The following MED27 variants were observed in gnomAD, a reference collection of about 807,000 sequenced individuals.
MED27 encodes mediator complex subunit 27.
MED27 carries 30 observed loss-of-function variants against 38.2 expected under a neutral mutation model. The ratio of observed to expected loss-of-function variants is 0.79; its 90% CI spans 0.59 to 1.07. MED27 has a LOEUF of 1.07. Ranked by LOEUF, MED27 falls within the 50% of genes least tolerant of loss-of-function variation. The pLI is 0.00. For missense variants in MED27, 289 were observed against 397.5 expected (o/e 0.73, Z 2.32); for synonymous variants, 122 against 153.5 (o/e 0.79, Z 1.52).
intron 3 of MED27, among the ~76,000 whole-genome samples, chr9:132,006,874 T>C (rs1229217848): frequency 6.6e-6 from 1 of 152,082 alleles, no homozygotes; most frequent in African/African-American, 2.4e-5. Context: ...TTCCCACTGG[T>C]TTTACATCAA....
At chr9:131,955,831 T>C (rs1831085108) in intron 3 of MED27, among the ~76,000 whole-genome samples, 1 of 152,192 alleles carries the variant, frequency 6.6e-6, no homozygotes, top group African/African-American at 2.4e-5. Context: ...ATCAATCATA[T>C]GGAAATTCAG....
chr9:132,008,056 C>T (rs550214010), intron 3 of MED27, among the ~76,000 whole-genome samples: 1 of 152,346 alleles, frequency 6.6e-6, no homozygotes, highest in East Asian at 1.9e-4. Flanking sequence ...TGAACACAGT[C>T]ACCTCTGCTG....
At chr9:131,949,328 A>G (rs181786305) in intron 3 of MED27, among the ~76,000 whole-genome samples, 1 of 152,262 alleles carries the variant, frequency 6.6e-6, no homozygotes, top group Non-Finnish European at 1.5e-5. Flanking sequence ...AGAGTGACAG[A>G]GCAGGCACTG....
intron 2 of MED27, among the ~76,000 whole-genome samples, chr9:132,058,286 G>T (rs1328230915): frequency 6.6e-6 from 1 of 152,116 alleles, no homozygotes; most frequent in Non-Finnish European, 1.5e-5. Flanking sequence ...GGTACAATTT[G>T]GCTGTGTCCC....
At chr9:132,057,978 TAAAC>T (rs1243555114) in intron 2 of MED27, among the ~76,000 whole-genome samples, 1 of 151,918 alleles carries the variant, frequency 6.6e-6, no homozygotes, top group Non-Finnish European at 1.5e-5. Context: ...TTCTAAAAAA[TAAAC>T]AAAATAATAA....
chr9:131,907,081 G>C (rs540967189), intron 4 of MED27, among the ~76,000 whole-genome samples: 1 of 152,134 alleles, frequency 6.6e-6, no homozygotes, highest in Non-Finnish European at 1.5e-5. Context: ...TGCCATCTTG[G>C]TTTTGGTGGG....
At chr9:131,961,626 T>A (rs916165020) in intron 3 of MED27, among the ~76,000 whole-genome samples, 1 of 152,198 alleles carries the variant, frequency 6.6e-6, no homozygotes, top group African/African-American at 2.4e-5. Context: ...CCTCTGTGTT[T>A]CAAGGCCTGA....
chr9:132,045,817 A>G (rs1057507637), intron 2 of MED27, among the ~76,000 whole-genome samples: 2 of 152,230 alleles, frequency 1.3e-5, no homozygotes, highest in African/African-American at 4.8e-5. Flanking sequence ...CTGACCAGTA[A>G]GAAGTGAACA....
chr9:131,910,489 A>G (rs1444965278), intron 4 of MED27, among the ~76,000 whole-genome samples: 5 of 152,206 alleles, frequency 3.3e-5, no homozygotes, highest in Non-Finnish European at 7.3e-5. Context: ...GTGCCAGTGA[A>G]ATAACATAAA....
At chr9:132,077,821 G>T (rs552310917) in intron 1 of MED27, among the ~76,000 whole-genome samples, 1 of 151,620 alleles carries the variant, frequency 6.6e-6, no homozygotes, top group South Asian at 2.1e-4. Flanking sequence ...GAAAAAAAAG[G>T]TAAGGGCAGT....
intron 2 of MED27, among the ~76,000 whole-genome samples, chr9:132,066,235 C>T (rs909869292): frequency 6.6e-6 from 1 of 152,164 alleles, no homozygotes; most frequent in Non-Finnish European, 1.5e-5. Flanking sequence ...TGGTCTTCAT[C>T]GAAGAGACAC....
At chr9:131,957,770 A>G (rs1337779065) in intron 3 of MED27, among the ~76,000 whole-genome samples, 2 of 152,122 alleles carry the variant, frequency 1.3e-5, no homozygotes, top group Non-Finnish European at 2.9e-5. Flanking sequence ...TCCATGCACC[A>G]TATATGAACT....
At chr9:131,904,583 T>C (rs1830019441) in intron 4 of MED27, among the ~76,000 whole-genome samples, 1 of 151,490 alleles carries the variant, frequency 6.6e-6, no homozygotes, top group Admixed American at 6.6e-5. Flanking sequence ...GGCCTTGAAC[T>C]CCCGGCCTCG....
In MED27 at chr9:131,982,744, TCAG is replaced by T. The variant is rs1831764674; in HGVS notation, c.479+31590_479+31592del. Among the ~76,000 whole-genome samples the T allele has an allele frequency of 5.9e-5, 9 of 152,186 alleles. 1 individual carries two copies. The South Asian group carries it at 1.9e-3, about 31-fold the overall frequency. ...TTGAAGGCCCAGGGAGTAAATATTG[TCAG>T]CTTTTCTGGCTACAGGATCTGCCGC... On this transcript the variant is annotated intron_variant, in intron 3 of 7. Transcript: ENST00000292035. The surrounding 1 kb of genome is among the most constrained non-coding windows in gnomAD (Gnocchi z 4.3).
chr9:131,868,912 T>C (rs999115242), intron 6 of MED27: 9 of 985,362 alleles, frequency 9.1e-6, no homozygotes, highest in African/African-American at 1.7e-5. Context: ...CACTAGAAAG[T>C]GTCCTCTTCA....
intron 2 of MED27, among the ~76,000 whole-genome samples, chr9:132,065,800 G>C (rs1392016173): frequency 1.3e-5 from 2 of 152,340 alleles, no homozygotes; most frequent in African/African-American, 2.4e-5. Flanking sequence ...TGCACTGATG[G>C]GTGTCGCCCG....
chr9:131,951,369 G>A (rs575867630), intron 3 of MED27, among the ~76,000 whole-genome samples: 45 of 152,300 alleles, frequency 3.0e-4, no homozygotes, highest in Middle Eastern at 6.8e-3. Context: ...TCCACAGGGG[G>A]AAGGCACAGG....
At chr9:131,927,601 G>A (rs748602009) in intron 4 of MED27, among the ~76,000 whole-genome samples, 2 of 152,176 alleles carry the variant, frequency 1.3e-5, no homozygotes, top group Admixed American at 6.5e-5. Flanking sequence ...CAATTGTGAA[G>A]GGGCCTCCAG....
chr9:131,900,141 G>A (rs976028031), intron 4 of MED27, among the ~76,000 whole-genome samples: 2 of 152,192 alleles, frequency 1.3e-5, no homozygotes, highest in Non-Finnish European at 1.5e-5. Flanking sequence ...CAGGCATCAA[G>A]GTGCACTTGA....
Sources: allele counts gnomAD v4.1 joint callset (sites outside exome capture counted in the v4.1 genomes callset), GRCh38; gene constraint gnomAD v4.1.1; non-coding constraint Gnocchi (gnomAD v3.1); transcripts MANE v1.5; gene names NCBI Gene and HGNC (gene_info 2026-07-23, HGNC 2026-07-21).